The following TOP3A variants were observed in gnomAD, a reference collection of about 807,000 sequenced individuals.
TOP3A encodes DNA topoisomerase 3-alpha.
A neutral mutation model predicts 111.3 loss-of-function variants in TOP3A; 64 were observed. That is an observed-to-expected ratio of 0.57 (90% CI 0.47 to 0.71). The LOEUF (loss-of-function observed/expected upper bound fraction) is 0.71, where lower values mean the gene tolerates loss of function less well. Ranked by LOEUF, TOP3A falls within the 30% of genes least tolerant of loss-of-function variation. The pLI is 0.00. For synonymous variants in TOP3A, 484 were observed against 485.1 expected (o/e 1.00, Z 0.03); for missense variants, 1,104 against 1,285.0 (o/e 0.86, Z 2.15).
rs772890659 is a variant in TOP3A, at chr17:18,285,222, T to A, written c.1797A>T (p.Lys599Asn). Residue 599 changes from lysine (K) to asparagine (N), a missense_variant, in exon 15 of 19, where the codon AAA becomes AAT. Physicochemically the swap from Lys to Asn is moderately conservative, Grantham distance 94. Transcript: ENST00000321105. Reference sequence around the variant, plus strand: ...GCCTTAGAACCACAAATTTGTCCTTTTTGCCATCACAGATCAGCTTCAGAT... The same window carrying A: ...GCCTTAGAACCACAAATTTGTCCTTATTGCCATCACAGATCAGCTTCAGAT... ...EADLKLICDG[K>N]KDKFVVLRQQ... 1 of 1,614,214 alleles carries A rather than the reference T, an allele frequency of 6.2e-7. No individual in the cohort carries two copies. The highest frequency in any genetic ancestry group is 1.1e-5 in the South Asian group (1 of 91,082).
chr17:18,305,786 C>T (rs562876092), intron 4 of TOP3A, among the ~76,000 whole-genome samples: 2 of 152,136 alleles, frequency 1.3e-5, no homozygotes, highest in South Asian at 2.1e-4. Context: ...TGCAGTGAGT[C>T]GAGATCGCAC....
chr17:18,286,191 C>T (rs1447926505), intron 13 of TOP3A, among the ~76,000 whole-genome samples: 1 of 141,748 alleles, frequency 7.1e-6, no homozygotes, highest in Non-Finnish European at 1.5e-5. Context: ...TGGAGTGAGA[C>T]TCTCTTTAAA....
chr17:18,275,279 G>A (rs556623804), intron 18 of TOP3A, among the ~76,000 whole-genome samples: 79 of 109,692 alleles, frequency 7.2e-4, no homozygotes, highest in Non-Finnish European at 1.1e-3. Flanking sequence ...GGGCAACAGA[G>A]CAAGACCCTG....
chr17:18,277,185 C>CAAAAA (rs34363304), intron 18 of TOP3A, among the ~76,000 whole-genome samples: 21 of 96,428 alleles, frequency 2.2e-4, no homozygotes, highest in South Asian at 7.5e-4. Context: ...ACTCAGTCTC[C>CAAAAA]AAAAAAAAAA....
chr17:18,283,679 A>G (rs1011853883), intron 15 of TOP3A, among the ~76,000 whole-genome samples: 1 of 152,188 alleles, frequency 6.6e-6, no homozygotes, highest in East Asian at 1.9e-4. Context: ...GTCCCAGAAG[A>G]CTGCTGCCCC....
chr17:18,276,356 C>T (rs1371518024), intron 18 of TOP3A, among the ~76,000 whole-genome samples: 1 of 152,180 alleles, frequency 6.6e-6, no homozygotes, highest in African/African-American at 2.4e-5. Flanking sequence ...CATGTCCTTC[C>T]AAGTGGGGAG....
rs1200114078 is a variant in TOP3A at position 18,285,239 on chromosome 17, G to A, written c.1780C>T (p.Leu594=). Reference sequence around the variant, plus strand: ...TTGTCCTTTTTGCCATCACAGATCAGCTTCAGATCAGCTTCCAGTTCAGCC... The same window carrying A: ...TTGTCCTTTTTGCCATCACAGATCAACTTCAGATCAGCTTCCAGTTCAGCC... ...LRAELEADLK[L]ICDGKKDKFV... is the part of the protein sequence containing the mutation. The change falls in exon 15 of 19, where the codon CTG becomes TTG. Residue 594 remains leucine, a synonymous_variant. Coordinates refer to ENST00000321105, the MANE Select transcript of TOP3A (RefSeq NM_004618.5). The A allele has an allele frequency of 6.2e-7, 1 of 1,614,100 alleles. No homozygotes were observed. Among genetic ancestry groups the A allele is most frequent in the Non-Finnish European group, 8.5e-7 (1 of 1,180,056 alleles).
intron 1 of TOP3A, chr17:18,312,177 A>G (rs766564714): frequency 6.6e-6 from 1 of 152,420 alleles, no homozygotes; most frequent in Non-Finnish European, 1.5e-5. Context: ...AAGCTACTCA[A>G]TTGCTTAAGC....
In TOP3A at chr17:18,301,871, T is replaced by A. The variant is rs537700955; in HGVS notation, c.915+14A>T. ...GGTGTGCAGAATGTTTCCTAGATCA[T>A]TAGGGGTTCTTACCTCCACACACAA... is the stretch of plus-strand genomic sequence containing the variant. On this transcript the variant is annotated intron_variant, in intron 8 of 18. Transcript: ENST00000321105. 6.2e-7 allele frequency: 1 copy of A among 1,608,260 alleles called. No individual in the cohort carries two copies. The highest frequency in any genetic ancestry group is 8.5e-7 in the Non-Finnish European group (1 of 1,174,974).
chr17:18,284,354 T>C (rs919529680), intron 15 of TOP3A, among the ~76,000 whole-genome samples: 3 of 152,010 alleles, frequency 2.0e-5, no homozygotes, highest in Non-Finnish European at 4.4e-5. Flanking sequence ...TTAGGCATGA[T>C]TGACAAATCA....
At chr17:18,296,557 C>T (rs751927489) in intron 9 of TOP3A, among the ~76,000 whole-genome samples, 29 of 151,994 alleles carry the variant, frequency 1.9e-4, no homozygotes, top group Admixed American at 5.9e-4. Context: ...TCCAGCCTGG[C>T]GACAGAGCAA....
In TOP3A at chr17:18,278,004, C is replaced by T. The variant is rs368210504; in HGVS notation, c.2498G>A (p.Arg833Gln). Reference sequence around the variant, plus strand: ...ACCTCCGTTGCACTTAAAGAACTGCCGGCCCCGGTTGGGGCCCTCCTTACG... The same window carrying T: ...ACCTCCGTTGCACTTAAAGAACTGCTGGCCCCGGTTGGGGCCCTCCTTACG... ...TVRKEGPNRGRQFFKCNGGSC... is the reference protein window; with the variant it reads ...TVRKEGPNRGQQFFKCNGGSC... Residue 833 changes from arginine to glutamine, a missense_variant, in exon 18 of 19, where the codon CGG (arginine) becomes CAG (glutamine). Arg to Gln is a conservative substitution (Grantham distance 43). Coordinates refer to ENST00000321105, the MANE Select transcript of TOP3A (RefSeq NM_004618.5). 40 of 1,614,144 alleles carry T rather than the reference C, an allele frequency of 2.5e-5. No homozygotes were observed. Among genetic ancestry groups the T allele is most frequent in the Middle Eastern group, 1.6e-4 (1 of 6,062 alleles).
chr17:18,283,264 G>A (rs1012456882), intron 15 of TOP3A, among the ~76,000 whole-genome samples: 1 of 152,084 alleles, frequency 6.6e-6, no homozygotes, highest in Non-Finnish European at 1.5e-5. Flanking sequence ...AGCTACTCAG[G>A]AGGCTGAGGC....
At position 18,302,354 on chromosome 17, in the gene TOP3A, C is replaced by T. The variant is rs779765088; in HGVS notation, c.724G>A (p.Gly242Ser). The change falls in exon 7 of 19, where the codon GGC (glycine) becomes AGC (serine). Residue 242 changes from glycine (G) to serine (S), a missense_variant. Gly to Ser is a moderately conservative substitution (Grantham distance 56). Transcript: ENST00000321105. ...EVLAEQLISYGSCQFPTLGFV... is the reference protein window; with the variant it reads ...EVLAEQLISYSSCQFPTLGFV... ...CCCAGTGTGGGGAACTGGCAGCTGC[C>T]GTAACTGATGAGCTGCTCTGCCAGC... 3 of 1,613,282 alleles carry T rather than the reference C, an allele frequency of 1.9e-6. No individual in the cohort carries two copies. Among genetic ancestry groups the T allele is most frequent in the South Asian group, 1.1e-5 (1 of 91,028 alleles).
At chr17:18,300,495 C>A (rs556718841) in intron 8 of TOP3A, among the ~76,000 whole-genome samples, 1 of 152,148 alleles carries the variant, frequency 6.6e-6, no homozygotes, top group Admixed American at 6.5e-5. Flanking sequence ...AGTCCCGCAC[C>A]ACATCCGAGT....
rs372947687 is a variant in TOP3A, at chr17:18,305,282, TC to T, written c.391-63del. ...AATTGCACAACAGTGACTTGACATC[TC>T]TAAGCTAAGGGGATCTGACTGAAGG... On this transcript the variant is annotated intron_variant, in intron 4 of 18. Transcript: ENST00000321105. 15 of 1,366,102 alleles carry T rather than the reference TC, an allele frequency of 1.1e-5. No homozygotes were observed. In the African/African-American group the frequency reaches 2.0e-4, roughly 18 times the overall value. 84.6% of individuals were successfully genotyped at this position (1,366,102 alleles called of 1,614,324 possible).
chr17:18,286,464 G>A (rs768254959), intron 13 of TOP3A, among the ~76,000 whole-genome samples: 14 of 152,044 alleles, frequency 9.2e-5, no homozygotes, highest in Admixed American at 2.0e-4. Context: ...TGCAGTGAGC[G>A]GAGATCGAGC....
In TOP3A at chr17:18,277,752, C is replaced by A; in HGVS notation, c.2750G>T (p.Arg917Leu). Residue 917 changes from arginine (R) to leucine (L), a missense_variant, in exon 18 of 19, where the codon CGC becomes CTC. By Grantham distance (102) the Arg-to-Leu change is moderately radical (BLOSUM62 -2). Coordinates refer to ENST00000321105, the MANE Select transcript of TOP3A (RefSeq NM_004618.5). The part of the protein sequence containing the change: ...TVQKDGPNKG[R>L]QFHTCAKPRE... ...CGGCTTGGCACATGTGTGGAACTGG[C>A]GCCCCTTGTTGGGTCCATCCTTCTG... 7.4e-6 allele frequency: 12 copies of A among 1,614,158 alleles called. No individual in the cohort carries two copies. The highest frequency in any genetic ancestry group is 1.3e-5 in the African/African-American group (1 of 75,046).
chr17:18,290,720 T>C, intron 12 of TOP3A, 34 bp from the exon 13 acceptor site: 1 of 1,580,456 alleles, frequency 6.3e-7, no homozygotes. Flanking sequence ...AGTCAGATGA[T>C]TCCATCAGCA....
Sources: gnomAD v4.1 joint callset for allele counts (sites outside exome capture counted in the v4.1 genomes callset) on GRCh38, gnomAD v4.1.1 for gene constraint, MANE v1.5 for transcripts, NCBI Gene and HGNC (gene_info 2026-07-23, HGNC 2026-07-21) for gene names.